The following GALK2 variants were observed in gnomAD, a reference collection of about 807,000 sequenced individuals.
GALK2 encodes the protein N-acetylgalactosamine kinase.
GALK2 carries 36 observed loss-of-function variants against 52.4 expected under a neutral mutation model. That is an observed-to-expected ratio of 0.69 (90% CI 0.53 to 0.91). The LOEUF (loss-of-function observed/expected upper bound fraction) is 0.91, where lower values mean the gene tolerates loss of function less well. Ranked by LOEUF, GALK2 falls within the 40% of genes least tolerant of loss-of-function variation. The pLI is 0.00. For synonymous variants in GALK2, 176 were observed against 199.1 expected (o/e 0.88, Z 0.98); for missense variants, 579 against 559.1 (o/e 1.04, Z -0.36).
At chr15:49,279,938 A>G (rs918737997) in intron 5 of GALK2, among the ~76,000 whole-genome samples, 1 of 152,250 alleles carries the variant, frequency 6.6e-6, no homozygotes, top group Non-Finnish European at 1.5e-5. Flanking sequence ...ATGTCACAAG[A>G]CAAAAGTTAA....
chr15:49,165,693 A>T (rs2084796087), upstream of GALK2, among the ~76,000 whole-genome samples: 1 of 151,978 alleles, frequency 6.6e-6, no homozygotes, highest in South Asian at 2.1e-4. Context: ...TAAATTTAAC[A>T]TTTCTTTTTA....
intron 3 of GALK2, among the ~76,000 whole-genome samples, chr15:49,362,354 C>T (rs1387160904): frequency 6.6e-6 from 1 of 152,192 alleles, no homozygotes; most frequent in Non-Finnish European, 1.5e-5. Context: ...TTCCCCTTCA[C>T]ATTCTGCTGT....
chr15:49,328,553 C>T lies in GALK2; in HGVS notation c.*394C>T. 1 of 1,606,542 alleles carries T rather than the reference C, an allele frequency of 6.2e-7. No homozygotes were observed. Among genetic ancestry groups the T allele is most frequent in the African/African-American group, 1.3e-5 (1 of 74,958 alleles). Reference sequence around the variant, plus strand: ...GTATGCATTATTCTTGAATAGAGTTCATTTCTGGTTTCTCTTAGTATTCTT... The same window carrying T: ...GTATGCATTATTCTTGAATAGAGTTTATTTCTGGTTTCTCTTAGTATTCTT... On this transcript the variant is annotated 3_prime_UTR_variant, in exon 10 of 10. Coordinates refer to ENST00000560031, the MANE Select transcript of GALK2 (RefSeq NM_002044.4).
intron 9 of GALK2, among the ~76,000 whole-genome samples, chr15:49,323,827 G>A (rs1284976607): frequency 6.6e-6 from 1 of 152,062 alleles, no homozygotes; most frequent in Non-Finnish European, 1.5e-5. Flanking sequence ...GGAGCAGGGA[G>A]GATGAAGGAA....
intron 5 of GALK2, among the ~76,000 whole-genome samples, chr15:49,240,728 T>A (rs1003100492): frequency 2.0e-5 from 3 of 152,112 alleles, no homozygotes; most frequent in Non-Finnish European, 4.4e-5. Flanking sequence ...AATGTCTCAA[T>A]ATGGTTGAAG....
intron 5 of GALK2, among the ~76,000 whole-genome samples, chr15:49,273,640 TC>T (rs2031141959): frequency 2.0e-5 from 3 of 152,094 alleles, no homozygotes; most frequent in Non-Finnish European, 4.4e-5. Context: ...CAAGTCTGCT[TC>T]AGTCTCTTTT....
chr15:49,183,845 G>GA (rs1244289040), intron 1 of GALK2, among the ~76,000 whole-genome samples: 1,501 of 73,534 alleles, frequency 0.02, 13 homozygotes, highest in Non-Finnish European at 0.031. Context: ...CTTTGTCTCA[G>GA]AAAAAAAAAA....
chr15:49,239,465 C>G (rs1399745675), intron 5 of GALK2, 98 bp downstream of exon 5: 12 of 1,184,734 alleles, frequency 1.0e-5, no homozygotes, highest in Non-Finnish European at 1.5e-5. Flanking sequence ...GAAAAACTGT[C>G]TTCTCTAAAA....
intron 3 of GALK2, among the ~76,000 whole-genome samples, chr15:49,339,082 T>C (rs547271213): frequency 6.6e-6 from 1 of 152,294 alleles, no homozygotes; most frequent in African/African-American, 2.4e-5. Context: ...ACATAACTCC[T>C]TTAGCTCGCA....
chr15:49,228,685 A>ATTTTTTTTTTTTTTTTTTTTTT (rs1566957985), intron 3 of GALK2, among the ~76,000 whole-genome samples: 2 of 18,128 alleles, frequency 1.1e-4, no homozygotes, highest in African/African-American at 5.1e-4. Flanking sequence ...ATATATATAT[A>ATTTTTTTTTTTTTTTTTTTTTT]TATTTTTTTT....
intron 5 of GALK2, among the ~76,000 whole-genome samples, chr15:49,261,634 C>T (rs1213839999): frequency 1.3e-5 from 2 of 151,370 alleles, no homozygotes; most frequent in African/African-American, 2.4e-5. Context: ...GAGGGCATCC[C>T]TGTCTTGTGC....
intron 8 of GALK2, among the ~76,000 whole-genome samples, chr15:49,303,546 C>T (rs2035294163): frequency 6.6e-6 from 1 of 152,202 alleles, no homozygotes; most frequent in Non-Finnish European, 1.5e-5. Flanking sequence ...CTATGTAGAC[C>T]TTTGAAGCAT....
intron 8 of GALK2, among the ~76,000 whole-genome samples, chr15:49,299,201 G>A (rs1021946681): frequency 6.6e-6 from 1 of 151,828 alleles, no homozygotes; most frequent in Non-Finnish European, 1.5e-5. Flanking sequence ...AGTGTCTGAG[G>A]GTTTTTTGTA....
At chr15:49,288,706 G>T (rs1228845773) in intron 7 of GALK2, among the ~76,000 whole-genome samples, 1 of 152,224 alleles carries the variant, frequency 6.6e-6, no homozygotes, top group Non-Finnish European at 1.5e-5. Flanking sequence ...GGGAATAGGG[G>T]TAATGTGTTT....
At chr15:49,205,194 G>A (rs143433972) in intron 2 of GALK2, among the ~76,000 whole-genome samples, 11 of 152,216 alleles carry the variant, frequency 7.2e-5, no homozygotes, top group Non-Finnish European at 1.2e-4. Flanking sequence ...AAACATGCGC[G>A]TGCACATATC....
chr15:49,360,228 TTATAG>T (rs771965016), intron 3 of GALK2, among the ~76,000 whole-genome samples: 23 of 119,538 alleles, frequency 1.9e-4, no homozygotes, highest in East Asian at 8.7e-4. Context: ...ACCCTAAAAC[TTATAG>T]TATAAGGAAA....
At chr15:49,275,060 A>AC (rs1221372648) in intron 5 of GALK2, among the ~76,000 whole-genome samples, 1 of 152,238 alleles carries the variant, frequency 6.6e-6, no homozygotes, top group Non-Finnish European at 1.5e-5. Context: ...GTCATTTATT[A>AC]CCAAGTATTA....
chr15:49,367,652 T>C (rs2045423558), exon 4 of GALK2: 1 of 1,511,364 alleles, frequency 6.6e-7, no homozygotes, highest in Non-Finnish European at 8.8e-7. Flanking sequence ...TACTTTTGTG[T>C]TTCTAAAAAA....
At chr15:49,205,884 A>G (rs1021245496) in intron 2 of GALK2, among the ~76,000 whole-genome samples, 6 of 152,182 alleles carry the variant, frequency 3.9e-5, no homozygotes, top group Non-Finnish European at 1.5e-5. Flanking sequence ...TTAAGTCCTT[A>G]ATCCATTTTG....
Sources: allele counts gnomAD v4.1 joint callset (sites outside exome capture counted in the v4.1 genomes callset), GRCh38; gene constraint gnomAD v4.1.1; transcripts MANE v1.5; gene names NCBI Gene and HGNC (gene_info 2026-07-23, HGNC 2026-07-21).